The following TDRD3 variants were observed in gnomAD, a reference collection of about 807,000 sequenced individuals.
TDRD3 encodes tudor domain-containing protein 3.
A neutral mutation model predicts 86.7 loss-of-function variants in TDRD3; 45 were observed. The ratio of observed to expected loss-of-function variants is 0.52; its 90% confidence interval spans 0.41 to 0.67. TDRD3 has a LOEUF of 0.67. TDRD3 is among the 30% of genes least tolerant of loss of function. The pLI is 0.00. For missense variants in TDRD3, 814 were observed against 889.0 expected, an observed-to-expected ratio of 0.92 and a Z score of 1.07; for synonymous variants, 298 against 301.7, an observed-to-expected ratio of 0.99 and a Z score of 0.13.
chr13:60,439,552 A>C (rs1261194209), intron 1 of TDRD3, 136 bp from the exon 2 acceptor site: 5 of 628,298 alleles, frequency 8.0e-6, no homozygotes, highest in Non-Finnish European at 1.4e-5. Context: ...TAAACAGGGA[A>C]TCCATATCCA....
rs145212885 is a variant in TDRD3, at chr13:60,498,111, A to G, written c.858+3536A>G. ...GGCTTAATGTAGAGGAAGGGATACA[A>G]TGGCTTAGGGAGATTGGGATGGTGG... is the stretch of plus-strand genomic sequence containing the variant. On this transcript the variant is annotated intron_variant, in intron 8 of 13. Coordinates refer to ENST00000377881, the MANE Select transcript of TDRD3 (RefSeq NM_001146070.2). 4.5e-3 allele frequency among the ~76,000 whole-genome samples: 693 copies of G among 152,328 alleles called. 2 individuals are homozygous for G. The highest frequency in any genetic ancestry group is 0.024 in the Middle Eastern group (7 of 294).
chr13:60,465,382 C>A (rs1955896186), intron 4 of TDRD3, among the ~76,000 whole-genome samples: 1 of 152,124 alleles, frequency 6.6e-6, no homozygotes, highest in Non-Finnish European at 1.5e-5. Flanking sequence ...TTGTATTCAG[C>A]TGTTGCTGAT....
chr13:60,557,729 C>G (rs1243532227), intron 12 of TDRD3, among the ~76,000 whole-genome samples: 2 of 150,966 alleles, frequency 1.3e-5, no homozygotes, highest in Admixed American at 1.3e-4. Context: ...TTATAATTAT[C>G]TCTCCTACCA....
At chr13:60,562,793 A>G (rs968383947) in intron 12 of TDRD3, among the ~76,000 whole-genome samples, 1 of 152,226 alleles carries the variant, frequency 6.6e-6, no homozygotes, top group Admixed American at 6.5e-5. Flanking sequence ...AGGTGACAGT[A>G]TTAAGTTTTT....
intron 5 of TDRD3, 27 bp from the exon 6 acceptor site, chr13:60,483,748 T>C: frequency 6.3e-7 from 1 of 1,595,046 alleles, no homozygotes; most frequent in Non-Finnish European, 8.5e-7. Context: ...GTATAACTGC[T>C]CTTTTGTGAC....
At chr13:60,524,232 G>T (rs1329584907) in intron 10 of TDRD3, among the ~76,000 whole-genome samples, 1 of 151,978 alleles carries the variant, frequency 6.6e-6, no homozygotes, top group African/African-American at 2.4e-5. Flanking sequence ...TTTTCTGGCT[G>T]AGCACGGGGC....
Position 60,444,705 on chromosome 13 carries a change from A to G in TDRD3, c.149A>G (p.Lys50Arg). 6.7e-7 allele frequency: 1 copy of G among 1,483,274 alleles called. No homozygotes were observed. The highest frequency in any genetic ancestry group is 9.0e-7 in the Non-Finnish European group (1 of 1,106,684). 91.9% of individuals were successfully genotyped at this position (1,483,274 alleles called of 1,614,324 possible). A position where few individuals can be genotyped will look rare whatever the true frequency, so the allele number is the denominator to read the frequency against. The change falls in exon 3 of 14, where the codon AAG (lysine) becomes AGG (arginine). Residue 50 changes from lysine to arginine, a missense_variant. Coordinates refer to ENST00000377881, the MANE Select transcript of TDRD3 (RefSeq NM_001146070.2). ...ALNTDLRTIGKKFLPSDINSG... is the reference protein window; with the variant it reads ...ALNTDLRTIGRKFLPSDINSG... The stretch of plus-strand genomic sequence containing the variant: ...TAGACAGATCTGAGAACAATTGGCA[A>G]GAAATTCCTCCCCAGTGACATCAAT...
At chr13:60,555,148 C>A (rs144221652) in intron 12 of TDRD3, among the ~76,000 whole-genome samples, 2 of 152,192 alleles carry the variant, frequency 1.3e-5, no homozygotes, top group Non-Finnish European at 2.9e-5. Context: ...GAGAATAATT[C>A]TTTTTAAAAG....
chr13:60,503,543 C>T (rs988609315), intron 8 of TDRD3, among the ~76,000 whole-genome samples: 12 of 152,104 alleles, frequency 7.9e-5, no homozygotes, highest in East Asian at 3.8e-4. Flanking sequence ...CACATCATTT[C>T]GGAAATCCAA....
chr13:60,502,044 G>A (rs1269103360), intron 8 of TDRD3, among the ~76,000 whole-genome samples: 6 of 152,166 alleles, frequency 3.9e-5, no homozygotes, highest in African/African-American at 7.2e-5. Flanking sequence ...AGCAGTTCCC[G>A]CAAGTGTTGT....
intron 3 of TDRD3, among the ~76,000 whole-genome samples, chr13:60,459,644 G>A (rs560940349): frequency 1.8e-4 from 28 of 152,238 alleles, no homozygotes; most frequent in Admixed American, 7.9e-4. Flanking sequence ...GTGTTGAGAC[G>A]GAGTCTCGCT....
chr13:60,484,486 A>G (rs895791827), intron 6 of TDRD3, among the ~76,000 whole-genome samples: 1 of 152,138 alleles, frequency 6.6e-6, no homozygotes, highest in South Asian at 2.1e-4. Context: ...AGTTGTGGAC[A>G]TAACAGGTAG....
At chr13:60,555,375 T>C (rs1270473155) in intron 12 of TDRD3, among the ~76,000 whole-genome samples, 1 of 152,216 alleles carries the variant, frequency 6.6e-6, no homozygotes, top group Admixed American at 6.5e-5. Context: ...TGACACCATG[T>C]ATAACTCTTG....
chr13:60,549,494 T>C (rs1270089269), intron 12 of TDRD3, among the ~76,000 whole-genome samples: 1 of 152,112 alleles, frequency 6.6e-6, no homozygotes, highest in African/African-American at 2.4e-5. Context: ...GTTTCAGGCC[T>C]TCTAGAGCTC....
intron 12 of TDRD3, chr13:60,537,733 AT>A (rs1286550479): frequency 6.6e-6 from 1 of 152,010 alleles, no homozygotes; most frequent in African/African-American, 2.4e-5. Context: ...GGAATTTTTA[AT>A]TTTTTAACTT....
chr13:60,437,670 A>G (rs1464198668), intron 1 of TDRD3, among the ~76,000 whole-genome samples: 2 of 151,792 alleles, frequency 1.3e-5, no homozygotes, highest in South Asian at 2.1e-4. Flanking sequence ...CTGACATCCT[A>G]TAATTCTTTA....
At chr13:60,571,326 C>T (rs537988705) in intron 13 of TDRD3, among the ~76,000 whole-genome samples, 3 of 152,234 alleles carry the variant, frequency 2.0e-5, no homozygotes, top group South Asian at 4.1e-4. Context: ...TGTTACATAA[C>T]GGAATATATT....
chr13:60,425,222 A>G (rs1432716757), intron 1 of TDRD3, among the ~76,000 whole-genome samples: 1 of 152,224 alleles, frequency 6.6e-6, no homozygotes, highest in Non-Finnish European at 1.5e-5. Flanking sequence ...ACTTTTCCCC[A>G]AAGAAGACAT....
intron 5 of TDRD3, among the ~76,000 whole-genome samples, chr13:60,482,867 T>C (rs1446683487): frequency 6.6e-6 from 1 of 151,962 alleles, no homozygotes; most frequent in Non-Finnish European, 1.5e-5. Flanking sequence ...TCACCTATTT[T>C]ACATATTTTA....
Sources: allele counts gnomAD v4.1 joint callset (sites outside exome capture counted in the v4.1 genomes callset), GRCh38; gene constraint gnomAD v4.1.1; transcripts MANE v1.5; gene names NCBI Gene and HGNC (gene_info 2026-07-23, HGNC 2026-07-21).